The following NOL4 variants were observed in gnomAD, a reference collection of about 807,000 sequenced individuals.
NOL4 encodes cancer/testis antigen 125.
NOL4 carries 17 observed loss-of-function variants against 75.9 expected under a neutral mutation model. That is an observed-to-expected ratio of 0.22 (90% CI 0.15 to 0.34). The LOEUF (loss-of-function observed/expected upper bound fraction) is 0.34. Among genes scored for constraint, NOL4 ranks in the 10% least tolerant of loss-of-function variants. NOL4 has a pLI of 1.00. For synonymous variants in NOL4, 292 were observed against 289.9 expected, an observed-to-expected ratio of 1.01 and a Z score of -0.07; for missense variants, 614 against 793.5, an observed-to-expected ratio of 0.77 and a Z score of 2.72.
chr18:33,874,413 A>T (rs1456184820), intron 10 of NOL4, among the ~76,000 whole-genome samples: 1 of 151,972 alleles, frequency 6.6e-6, no homozygotes, highest in South Asian at 2.1e-4. Flanking sequence ...GTATTAAGAG[A>T]AAAAGAGAAC....
chr18:33,900,390 C>A (rs934371049), intron 9 of NOL4, among the ~76,000 whole-genome samples: 1 of 152,152 alleles, frequency 6.6e-6, no homozygotes, highest in Non-Finnish European at 1.5e-5. Context: ...GACAATTCAA[C>A]ATGAGATATG....
At chr18:34,159,336 C>G (rs2031051579) in intron 1 of NOL4, among the ~76,000 whole-genome samples, 1 of 152,182 alleles carries the variant, frequency 6.6e-6, no homozygotes, top group Non-Finnish European at 1.5e-5. Context: ...CAAGGCTTTT[C>G]TCCCGCTGAC....
chr18:33,900,539 G>A (rs2065685507), intron 9 of NOL4, among the ~76,000 whole-genome samples: 1 of 151,992 alleles, frequency 6.6e-6, no homozygotes, highest in Admixed American at 6.6e-5. Context: ...GAAGTTACTT[G>A]GAAATTCTGT....
intron 4 of NOL4, among the ~76,000 whole-genome samples, chr18:34,103,325 A>G (rs1295221595): frequency 6.6e-6 from 1 of 152,006 alleles, no homozygotes; most frequent in East Asian, 1.9e-4. Context: ...TTTATTTTGG[A>G]GAATATAAAC....
intron 4 of NOL4, among the ~76,000 whole-genome samples, chr18:34,103,443 G>A (rs1434899695): frequency 6.6e-6 from 1 of 151,914 alleles, no homozygotes; most frequent in Middle Eastern, 3.2e-3. Context: ...GTCTATACAT[G>A]CAGCATGTTG....
At chr18:33,893,396 T>C (rs1469721225) in intron 9 of NOL4, among the ~76,000 whole-genome samples, 1 of 152,126 alleles carries the variant, frequency 6.6e-6, no homozygotes, top group East Asian at 1.9e-4. Context: ...TAAACTGATT[T>C]GGACCCTGAG....
rs183889964 is a variant in NOL4, at chr18:34,090,065, T to G, written c.772+3400A>C. ...AATTCTAGGTTTTTGATGACAAAAT[T>G]TTCTGAGTATGTATATGGGTGTGTA... On this transcript the variant is annotated intron_variant, in intron 5 of 10. Transcript: ENST00000261592. 3.6e-3 allele frequency among the ~76,000 whole-genome samples: 542 copies of G among 152,232 alleles called. 9 individuals are homozygous for G. Among genetic ancestry groups the G allele is most frequent in the Non-Finnish European group, 4.4e-4 (30 of 68,010 alleles).
chr18:33,938,638 G>A (rs773116116), intron 9 of NOL4, among the ~76,000 whole-genome samples: 8 of 151,878 alleles, frequency 5.3e-5, no homozygotes, highest in East Asian at 1.9e-4. Flanking sequence ...GTTTTTTCTC[G>A]TAAATTTGTT....
chr18:33,993,502 G>A (rs1297575026), intron 6 of NOL4, among the ~76,000 whole-genome samples: 1 of 151,754 alleles, frequency 6.6e-6, no homozygotes, highest in Non-Finnish European at 1.5e-5. Flanking sequence ...TTAGGAGGTG[G>A]GAAATACCTG....
intron 5 of NOL4, among the ~76,000 whole-genome samples, chr18:34,091,718 T>C (rs983595289): frequency 6.6e-6 from 1 of 152,134 alleles, no homozygotes; most frequent in Non-Finnish European, 1.5e-5. Context: ...AATAATCCAG[T>C]AGAGTGGGGA....
At chr18:33,908,846 T>C (rs1157344706) in intron 9 of NOL4, among the ~76,000 whole-genome samples, 3 of 152,146 alleles carry the variant, frequency 2.0e-5, no homozygotes, top group East Asian at 3.8e-4. Flanking sequence ...GGGTGTTATA[T>C]GGTGTATACA....
intron 9 of NOL4, among the ~76,000 whole-genome samples, chr18:33,940,764 T>C (rs188071817): frequency 6.6e-6 from 1 of 151,914 alleles, no homozygotes; most frequent in African/African-American, 2.4e-5. Flanking sequence ...TGTGGAGATA[T>C]TATTGGATAT....
At chr18:34,122,683 A>C (rs1482537561) in intron 2 of NOL4, among the ~76,000 whole-genome samples, 1 of 152,144 alleles carries the variant, frequency 6.6e-6, no homozygotes. Context: ...TCAAAGCTGG[A>C]CCATTCTGTC....
At chr18:33,981,354 A>G (rs1212240243) in intron 6 of NOL4, among the ~76,000 whole-genome samples, 1 of 151,958 alleles carries the variant, frequency 6.6e-6, no homozygotes, top group Non-Finnish European at 1.5e-5. Flanking sequence ...ACACCAAACA[A>G]GAAAAATGTG....
At chr18:33,955,260 A>C (rs572955041) in intron 8 of NOL4, among the ~76,000 whole-genome samples, 22 of 152,218 alleles carry the variant, frequency 1.4e-4, no homozygotes, top group Middle Eastern at 3.4e-3. Context: ...TATTTGTTAA[A>C]AAGTTAATAG....
At chr18:34,034,311 T>G (rs2075781980) in intron 5 of NOL4, among the ~76,000 whole-genome samples, 1 of 152,196 alleles carries the variant, frequency 6.6e-6, no homozygotes, top group South Asian at 2.1e-4. Flanking sequence ...ATTCTCCTCC[T>G]AAAAGATATC....
chr18:34,103,389 G>T (rs1184834131), intron 4 of NOL4, among the ~76,000 whole-genome samples: 1 of 151,940 alleles, frequency 6.6e-6, no homozygotes, highest in Non-Finnish European at 1.5e-5. Context: ...AAAATGGCTA[G>T]CTAACTAGAA....
intron 1 of NOL4, among the ~76,000 whole-genome samples, chr18:34,216,550 A>G (rs1281334835): frequency 6.6e-6 from 1 of 151,428 alleles, no homozygotes; most frequent in Non-Finnish European, 1.5e-5. Flanking sequence ...AATGTTTAAA[A>G]TGAAATTACA....
intron 6 of NOL4, among the ~76,000 whole-genome samples, chr18:33,994,926 T>C (rs1021234754): frequency 2.6e-5 from 4 of 151,514 alleles, no homozygotes; most frequent in Admixed American, 1.3e-4. Context: ...GAAAAACTAA[T>C]GTTCCAAATA....
Sources: gnomAD v4.1 joint callset for allele counts (sites outside exome capture counted in the v4.1 genomes callset) on GRCh38, gnomAD v4.1.1 for gene constraint, MANE v1.5 for transcripts, NCBI Gene and HGNC (gene_info 2026-07-23, HGNC 2026-07-21) for gene names.